The following CACNA1S variants were observed in gnomAD, a reference collection of about 807,000 sequenced individuals.
CACNA1S encodes voltage-dependent L-type calcium channel subunit alpha-1S.
CACNA1S carries 126 observed loss-of-function variants against 207.4 expected under a neutral mutation model. The observed-to-expected ratio is 0.61, with a 90% CI of 0.53 to 0.70. CACNA1S has a LOEUF of 0.70. CACNA1S is among the 30% of genes least tolerant of loss of function. The pLI is 0.00. For missense variants in CACNA1S, 2,349 were observed against 2,422.8 expected, an observed-to-expected ratio of 0.97 and a Z score of 0.64; for synonymous variants, 960 against 932.7, an observed-to-expected ratio of 1.03 and a Z score of -0.53.
Position 201,094,000 on chromosome 1 carries a change from G to A in CACNA1S, c.280C>T (p.Leu94Phe), listed in dbSNP as rs1196842684. The A allele has an allele frequency of 1.2e-6, 2 of 1,614,206 alleles. No individual in the cohort carries two copies. The highest frequency in any genetic ancestry group is 1.1e-5 in the South Asian group (1 of 91,086). Residue 94 changes from leucine to phenylalanine, a missense_variant, in exon 3 of 44, where the codon CTC becomes TTC. Leu to Phe is a conservative substitution (Grantham distance 22, BLOSUM62 0). Coordinates refer to ENST00000362061, the MANE Select transcript of CACNA1S (RefSeq NM_000069.3). ...LGLEKLEYFF[L>F]IVFSIEAAMK... ...GCGGCTTCAATCGAGAAGACAATGA[G>A]GAAGAAATACTCCAGCTTCTCCTGT...
intron 28 of CACNA1S, among the ~76,000 whole-genome samples, chr1:201,058,019 T>C (rs981905301): frequency 2.6e-5 from 4 of 152,184 alleles, no homozygotes; most frequent in African/African-American, 9.7e-5. Context: ...TTGCATTTCC[T>C]GCGCTGTGCC....
At position 201,075,493 on chromosome 1, in the gene CACNA1S, A is replaced by G. The variant is rs1185268927; in HGVS notation, c.1948+2T>C. The stretch of plus-strand genomic sequence containing the variant: ...TTCTGCACCCTGCTCCCGAGAGGAT[A>G]CAGTTGCCACAGACGAAAAGGATGA... On this transcript the variant is annotated splice_donor_variant, in intron 13 of 43. Coordinates refer to ENST00000362061, the MANE Select transcript of CACNA1S (RefSeq NM_000069.3). LOFTEE classifies it high-confidence loss of function. 1 of 1,612,866 alleles carries G rather than the reference A, an allele frequency of 6.2e-7. No individual in the cohort carries two copies. The highest frequency in any genetic ancestry group is 1.7e-5 in the Admixed American group (1 of 59,900).
rs374401463 is a variant in CACNA1S at position 201,052,524 on chromosome 1, G to A, written c.3953+33C>T. The A allele has an allele frequency of 3.9e-6, 6 of 1,530,862 alleles. No homozygotes were observed. In the Admixed American group the frequency reaches 5.0e-5, roughly 13 times the overall value. The allele number at this position is 1,530,862 out of a possible 1,614,324, so 94.8% of individuals were successfully genotyped here. On this transcript the variant is annotated intron_variant, in intron 32 of 43. Transcript: ENST00000362061. ...CAGAGCAAAGGCTGGACTGGTCAGC[G>A]GGGTAGGGGTGGGGGTGGCGGGAGA...
At chr1:201,050,708 C>T (rs140082831) in intron 33 of CACNA1S, among the ~76,000 whole-genome samples, 192 bp from the exon 34 acceptor site, 144 of 152,138 alleles carry the variant, frequency 9.5e-4, no homozygotes, top group African/African-American at 3.1e-3. Flanking sequence ...ACAGACAGTG[C>T]TCTCTGGCCT....
intron 35 of CACNA1S, 127 bp from the exon 36 acceptor site, chr1:201,048,811 AC>A: frequency 2.3e-6 from 2 of 881,218 alleles, no homozygotes; most frequent in South Asian, 2.7e-5. Flanking sequence ...GCTGACCAGG[AC>A]ATCCTTTGTG....
Position 201,047,764 on chromosome 1 carries a change from T to G in CACNA1S, c.4442-138A>C, listed in dbSNP as rs957790196. On this transcript the variant is annotated intron_variant, in intron 36 of 43. Transcript: ENST00000362061. ...CTGAGTTTTGTGGCAGCTGCCTTGC[T>G]GGGTACTGGCAATGGTGGGAGGGCA... The G allele has an allele frequency of 1.8e-5, 13 of 717,070 alleles. No homozygotes were observed. The African/African-American group carries it at 2.3e-4, about 12-fold the overall frequency. 44.4% of individuals were successfully genotyped at this position (717,070 alleles called of 1,614,324 possible).
chr1:201,090,645 C>T (rs567927994), intron 5 of CACNA1S, among the ~76,000 whole-genome samples: 1 of 152,238 alleles, frequency 6.6e-6, no homozygotes, highest in East Asian at 1.9e-4. Context: ...GAGTGGGACC[C>T]GAGATTCTTT....
At chr1:201,088,733 A>G (rs550759730) in intron 6 of CACNA1S, among the ~76,000 whole-genome samples, 46 of 152,226 alleles carry the variant, frequency 3.0e-4, no homozygotes, top group Admixed American at 1.2e-3. Context: ...ACAAACACCA[A>G]ATAAATAATA....
At chr1:201,045,121 A>G (rs1355528010) in intron 38 of CACNA1S, among the ~76,000 whole-genome samples, 1 of 152,224 alleles carries the variant, frequency 6.6e-6, no homozygotes, top group Admixed American at 6.5e-5. Context: ...GAGCAAAGTT[A>G]ATATCACCAG....
chr1:201,091,502 C>T, intron 5 of CACNA1S, 138 bp downstream of exon 5: 1 of 977,876 alleles, frequency 1.0e-6, no homozygotes, highest in Non-Finnish European at 1.6e-6. Context: ...CCCCCTTATC[C>T]AGGAGAAACC....
chr1:201,055,989 G>A (rs966769168), intron 28 of CACNA1S, among the ~76,000 whole-genome samples: 1 of 151,932 alleles, frequency 6.6e-6, no homozygotes, highest in African/African-American at 2.4e-5. Context: ...AACCATGGAG[G>A]CTTTTGGGAT....
intron 40 of CACNA1S, chr1:201,041,922 A>C (rs1660242925): frequency 4.8e-5 from 19 of 399,296 alleles, no homozygotes; most frequent in South Asian, 4.2e-4. Context: ...GGATCACCTG[A>C]GGAGCTCAAA....
chr1:201,084,082 C>T (rs997185021), intron 9 of CACNA1S, among the ~76,000 whole-genome samples: 3 of 152,016 alleles, frequency 2.0e-5, no homozygotes, highest in South Asian at 4.2e-4. Context: ...GAATCTGCTC[C>T]GAAAATTGCT....
chr1:201,077,119 G>C lies in CACNA1S; in HGVS notation c.1628C>G (p.Thr543Arg). Reference protein sequence around the residue: ...LRIFKITKYWTSLSNLVASLL... With the variant: ...LRIFKITKYWRSLSNLVASLL... ...GGATGCCACCAGGTTGCTCAGCGAC[G>C]TCCAATATCTGAAGGAAGAGGAGGC... The change falls in exon 12 of 44, where the codon ACG (threonine) becomes AGG (arginine). Residue 543 changes from threonine (T) to arginine (R), a missense_variant. By Grantham distance (71) the Thr-to-Arg change is moderately conservative (BLOSUM62 -1). Coordinates refer to ENST00000362061, the MANE Select transcript of CACNA1S (RefSeq NM_000069.3). 6.2e-7 allele frequency: 1 copy of C among 1,613,958 alleles called. No individual in the cohort carries two copies. Among genetic ancestry groups the C allele is most frequent in the Non-Finnish European group, 8.5e-7 (1 of 1,179,864 alleles).
chr1:201,078,045 C>T lies in CACNA1S; in HGVS notation c.1453G>A (p.Gly485Arg), dbSNP rs375469357. ...FTTEMLMKMY[G>R]LGLRQYFMSI... is the part of the protein sequence containing the mutation. Reference sequence around the variant, plus strand: ...ATGAAGTACTGGCGCAGGCCCAGCCCGTACATCTTCATCAGCATCTCAGTG... The same window carrying T: ...ATGAAGTACTGGCGCAGGCCCAGCCTGTACATCTTCATCAGCATCTCAGTG... Residue 485 changes from glycine to arginine, a missense_variant, in exon 11 of 44, where the codon GGG becomes AGG. Gly to Arg is a moderately radical substitution (Grantham distance 125). Coordinates refer to ENST00000362061, the MANE Select transcript of CACNA1S (RefSeq NM_000069.3). The T allele has an allele frequency of 7.4e-6, 12 of 1,614,096 alleles. No individual in the cohort carries two copies. The highest frequency in any genetic ancestry group is 6.7e-5 in the African/African-American group (5 of 74,938).
In CACNA1S at chr1:201,061,610, G is replaced by A. The variant is rs1661053722; in HGVS notation, c.3054-142C>T. 3 of 804,932 alleles carry A rather than the reference G, an allele frequency of 3.7e-6. No homozygotes were observed. The Admixed American group carries it at 7.8e-5, about 21-fold the overall frequency. The allele number at this position is 804,932 out of a possible 1,614,324, so 49.9% of individuals were successfully genotyped here. On this transcript the variant is annotated intron_variant, in intron 24 of 43. Transcript: ENST00000362061. ...AATCAAGTTACGGGACAGGAGTTAGGTCGGCGCCAGGAAAGACCAGACCCA... is the reference window on the plus strand; with the variant it reads ...AATCAAGTTACGGGACAGGAGTTAGATCGGCGCCAGGAAAGACCAGACCCA...
In CACNA1S at chr1:201,059,201, G is replaced by A. The variant is rs776418616; in HGVS notation, c.3513C>T (p.Ala1171=). The stretch of plus-strand genomic sequence containing the variant: ...CCCCCACACTCACCCTGGCCTTGAA[G>A]GCCATGAGCTTGAGGATCATCTCCA... The part of the protein sequence containing the change: ...FTLEMILKLM[A]FKARGYFGDP... The change falls in exon 27 of 44, where the codon GCC becomes GCT. Residue 1171 remains alanine, a synonymous_variant. Coordinates refer to ENST00000362061, the MANE Select transcript of CACNA1S (RefSeq NM_000069.3). The A allele has an allele frequency of 2.5e-6, 4 of 1,612,070 alleles. No homozygotes were observed. The highest frequency in any genetic ancestry group is 3.4e-6 in the Non-Finnish European group (4 of 1,178,146).
intron 2 of CACNA1S, among the ~76,000 whole-genome samples, chr1:201,097,837 TC>T (rs1662495412): frequency 1.3e-5 from 2 of 152,116 alleles, no homozygotes; most frequent in Non-Finnish European, 2.9e-5. Context: ...CTGATGCCCT[TC>T]CCTTAGTGAC....
chr1:201,054,275 C>T (rs566634995), intron 29 of CACNA1S, among the ~76,000 whole-genome samples: 1 of 152,270 alleles, frequency 6.6e-6, no homozygotes, highest in South Asian at 2.1e-4. Context: ...AGAGAGAACC[C>T]GCACTCCATC....
Sources: gnomAD v4.1 joint callset for allele counts (sites outside exome capture counted in the v4.1 genomes callset) on GRCh38, gnomAD v4.1.1 for gene constraint, MANE v1.5 for transcripts, NCBI Gene and HGNC (gene_info 2026-07-23, HGNC 2026-07-21) for gene names.